KIF22: variants seen among roughly 807,000 people sequenced by gnomAD.
The protein encoded by KIF22 is kinesin-like protein KIF22.
A neutral mutation model predicts 73.0 loss-of-function variants in KIF22; 62 were observed. The observed-to-expected ratio is 0.85, with a 90% CI of 0.69 to 1.05. KIF22 has a LOEUF of 1.05. KIF22 is among the 50% of genes least tolerant of loss of function. The pLI, the probability that KIF22 is intolerant of heterozygous loss-of-function variation, is 0.00. For synonymous variants in KIF22, 411 were observed against 340.1 expected, an observed-to-expected ratio of 1.21 and a Z score of -2.29; for missense variants, 854 against 870.1, an observed-to-expected ratio of 0.98 and a Z score of 0.23.
chr16:29,790,752 G>A lies in KIF22; in HGVS notation c.-8G>A, dbSNP rs1026925240. On this transcript the variant is annotated 5_prime_UTR_variant, in exon 1 of 14. Coordinates refer to ENST00000160827, the MANE Select transcript of KIF22 (RefSeq NM_007317.3). ...GAATGGGAGAGGCGGGCCCAAGGAG[G>A]GAGTGGAATGGCCGCGGGCGGCTCG... The A allele has an allele frequency of 5.0e-6, 8 of 1,590,966 alleles. No homozygotes were observed. In the African/African-American group the frequency reaches 8.0e-5, roughly 16 times the overall value.
At chr16:29,790,907 G>T in intron 1 of KIF22, 78 bp downstream of exon 1, 1 of 1,538,640 alleles carries the variant, frequency 6.5e-7, no homozygotes, top group Non-Finnish European at 8.8e-7. Flanking sequence ...GTGTGGTCCA[G>T]GCTCTGCGGG....
rs777886356 is a variant in KIF22 at position 29,805,357 on chromosome 16, G to C, written c.*47G>C. 10 of 1,589,986 alleles carry C rather than the reference G, an allele frequency of 6.3e-6. No homozygotes were observed. In the Admixed American group the frequency reaches 1.3e-4, roughly 21 times the overall value. ...TTTTCAAATTTTTGTATAACCCCGT[G>C]TTGTGTAAATACAGTTTTTGCTCCG... On this transcript the variant is annotated 3_prime_UTR_variant, in exon 14 of 14. Transcript: ENST00000160827.
In KIF22 at chr16:29,798,508, G is replaced by C. The variant is rs1899015007; in HGVS notation, c.394+7G>C. The C allele has an allele frequency of 1.2e-6, 2 of 1,614,092 alleles. No individual in the cohort carries two copies. The highest frequency in any genetic ancestry group is 2.2e-5 in the East Asian group (1 of 44,886). On this transcript the variant is annotated splice_region_variant and intron_variant, in intron 3 of 13. Transcript: ENST00000160827. This position sits in a 1 kb window ranked among gnomAD's most constrained non-coding sequence, Gnocchi z 4.1. Reference sequence around the variant, plus strand: ...TATGGACCCACAGGAGCTGGTGAGGGAGCCAGAAAAGAAACAGCTATGGGT... The same window carrying C: ...TATGGACCCACAGGAGCTGGTGAGGCAGCCAGAAAAGAAACAGCTATGGGT...
intron 8 of KIF22, among the ~76,000 whole-genome samples, chr16:29,800,970 C>G (rs1899117916): frequency 6.6e-6 from 1 of 152,088 alleles, no homozygotes. Context: ...AGCATTTTTG[C>G]TTCTGGTTCA....
Position 29,797,475 on chromosome 16 carries a change from G to T in KIF22, c.266+387G>T, listed in dbSNP as rs1417852659. 6.6e-6 allele frequency among the ~76,000 whole-genome samples: 1 copy of T among 152,122 alleles called. No individual in the cohort carries two copies. The highest frequency in any genetic ancestry group is 2.4e-5 in the African/African-American group (1 of 41,414). On this transcript the variant is annotated intron_variant, in intron 2 of 13. Coordinates refer to ENST00000160827, the MANE Select transcript of KIF22 (RefSeq NM_007317.3). This position sits in a 1 kb window ranked among gnomAD's most constrained non-coding sequence, Gnocchi z 4.1. ...CCAGATTTGGGGACAGAACTCAGAA[G>T]GGCAGCTACTTTATAATCCTACTGG... is the stretch of plus-strand genomic sequence containing the variant.
intron 8 of KIF22, 102 bp downstream of exon 8, chr16:29,800,150 C>A: frequency 7.3e-7 from 1 of 1,360,628 alleles, no homozygotes; most frequent in Non-Finnish European, 9.9e-7. Context: ...TGATCTTGTT[C>A]CTCTCCCATT....
In KIF22 at chr16:29,804,345, A is replaced by G. The variant is rs535411878; in HGVS notation, c.1677+280A>G. 128 of 602,102 alleles carry G rather than the reference A, an allele frequency of 2.1e-4. 1 individual carries two copies. The South Asian group carries it at 2.5e-3, about 12-fold the overall frequency. 37.3% of individuals were successfully genotyped at this position (602,102 alleles called of 1,614,324 possible). ...AAGCTTAAGAGGGAAAACTTAGGGA[A>G]CTATGACCTAAGCAGTCAAGCAAGA... On this transcript the variant is annotated intron_variant, in intron 11 of 13. Transcript: ENST00000160827.
chr16:29,796,554 T>G (rs544716175), intron 1 of KIF22, among the ~76,000 whole-genome samples: 1 of 146,140 alleles, frequency 6.8e-6, no homozygotes, highest in Non-Finnish European at 1.5e-5. Flanking sequence ...CTCTCTCTCT[T>G]TTTTTTTTTT....
chr16:29,798,411 G>A lies in KIF22; in HGVS notation c.304G>A (p.Asp102Asn). The A allele has an allele frequency of 1.2e-6, 2 of 1,609,012 alleles. No individual in the cohort carries two copies. Among genetic ancestry groups the A allele is most frequent in the Non-Finnish European group, 1.7e-6 (2 of 1,177,356 alleles). The change falls in exon 3 of 14, where the codon GAC becomes AAC. Residue 102 changes from aspartate to asparagine, a missense_variant. By Grantham distance (23) the Asp-to-Asn change is conservative. This residue lies in a region of KIF22 where 186 missense variants were observed against 152.9 expected (regional missense o/e 1.22). Transcript: ENST00000160827. This position sits in a 1 kb window ranked among gnomAD's most constrained non-coding sequence, Gnocchi z 4.1. ...AFYGERSTQQDIYAGSVQPIL... is the reference protein window; with the variant it reads ...AFYGERSTQQNIYAGSVQPIL... ...CTATGGGGAGAGGAGTACTCAGCAG[G>A]ACATCTATGCAGGTTCAGTGCAGCC...
chr16:29,798,952 C>T lies in KIF22; in HGVS notation c.550-23C>T. 1 of 1,609,570 alleles carries T rather than the reference C, an allele frequency of 6.2e-7. No individual in the cohort carries two copies. The highest frequency in any genetic ancestry group is 8.5e-7 in the Non-Finnish European group (1 of 1,175,854). On this transcript the variant is annotated intron_variant, in intron 4 of 13. Coordinates refer to ENST00000160827, the MANE Select transcript of KIF22 (RefSeq NM_007317.3). This position sits in a 1 kb window ranked among gnomAD's most constrained non-coding sequence, Gnocchi z 4.1. ...AACAGCCTCTCTATGGAGAATTGCC[C>T]TTCCCCTTCACTGCTTACACAGGTA...
intron 1 of KIF22, among the ~76,000 whole-genome samples, chr16:29,795,225 A>C (rs1217020217): frequency 6.6e-6 from 1 of 152,192 alleles, no homozygotes; most frequent in Non-Finnish European, 1.5e-5. Flanking sequence ...CAGGATTGCC[A>C]TGAGGAACAA....
intron 1 of KIF22, chr16:29,791,131 G>T: frequency 1.1e-5 from 14 of 1,332,660 alleles, no homozygotes; most frequent in African/African-American, 3.0e-5. Context: ...GTGAAACGGG[G>T]GTCATGGCCT....
At chr16:29,799,580 T>C (rs1899061282) in intron 6 of KIF22, 48 bp from the exon 7 acceptor site, 1 of 1,612,726 alleles carries the variant, frequency 6.2e-7, no homozygotes, top group Non-Finnish European at 8.5e-7. Flanking sequence ...AGTTGAGGCA[T>C]AGGAAGGCTG....
chr16:29,793,587 C>T (rs1321228286), intron 1 of KIF22, among the ~76,000 whole-genome samples: 1 of 152,104 alleles, frequency 6.6e-6, no homozygotes, highest in Non-Finnish European at 1.5e-5. Flanking sequence ...GTGGTCTCAG[C>T]TCGGGGCAAC....
chr16:29,796,818 C>G (rs765828505), intron 1 of KIF22, 75 bp from the exon 2 acceptor site: 170 of 1,424,566 alleles, frequency 1.2e-4, no homozygotes, highest in Non-Finnish European at 1.5e-4. Flanking sequence ...GCCCCCAGCC[C>G]GCCCAGCAAA....
At position 29,805,251 on chromosome 16, in the gene KIF22, CCTG is replaced by C; in HGVS notation, c.1951-11_1951-9del. 6.3e-7 allele frequency: 1 copy of C among 1,595,376 alleles called. No individual in the cohort carries two copies. The highest frequency in any genetic ancestry group is 2.3e-5 in the East Asian group (1 of 43,764). On this transcript the variant is annotated splice_polypyrimidine_tract_variant and intron_variant, in intron 13 of 13. Transcript: ENST00000160827. ...CTCTAACGTCGCTGTCTCCCTCCCT[CCTG>C]TGTTGCAGGCAAACATCCTGGGTCT...
At chr16:29,804,095 C>A in intron 11 of KIF22, 30 bp downstream of exon 11, 1 of 1,578,492 alleles carries the variant, frequency 6.3e-7, no homozygotes, top group Non-Finnish European at 8.7e-7. Context: ...TAGGCTACAC[C>A]TGGAGCCCAG....
At chr16:29,790,856 G>C in intron 1 of KIF22, 27 bp downstream of exon 1, 1 of 1,584,008 alleles carries the variant, frequency 6.3e-7, no homozygotes, top group Non-Finnish European at 8.6e-7. Context: ...TGGGCAAGGC[G>C]GGTACCGACG....
chr16:29,804,532 C>A, intron 11 of KIF22: 1 of 669,070 alleles, frequency 1.5e-6, no homozygotes, highest in East Asian at 2.9e-5. Context: ...GATTTAAGAG[C>A]TTATTTTGTG....
Sources: allele counts gnomAD v4.1 joint callset (sites outside exome capture counted in the v4.1 genomes callset), GRCh38; gene constraint gnomAD v4.1.1; regional missense constraint gnomAD v4.1.1; non-coding constraint Gnocchi (gnomAD v3.1); transcripts MANE v1.5; gene names NCBI Gene and HGNC (gene_info 2026-07-23, HGNC 2026-07-21).